BRCC3: variants seen among roughly 807,000 people sequenced by gnomAD.
The protein encoded by BRCC3 is lys-63-specific deubiquitinase BRCC36.
BRCC3 carries 15 observed loss-of-function variants against 28.0 expected under a neutral mutation model. The ratio of observed to expected loss-of-function variants is 0.54; its 90% CI spans 0.36 to 0.82. The LOEUF (loss-of-function observed/expected upper bound fraction) is 0.82. Among genes scored for constraint, BRCC3 ranks in the 40% least tolerant of loss-of-function variants. The probability of loss-of-function intolerance (pLI) is 0.01; values close to 1 mark genes in which losing one functional copy is unlikely to be tolerated. For missense variants in BRCC3, 109 were observed against 225.9 expected, an observed-to-expected ratio of 0.48 and a Z score of 3.32; for synonymous variants, 66 against 80.3, an observed-to-expected ratio of 0.82 and a Z score of 0.95.
At chrX:155,086,323 C>G (rs1433547684) in intron 5 of BRCC3, among the ~76,000 whole-genome samples, 2 of 111,496 alleles carry the variant, frequency 1.8e-5, no homozygotes, top group African/African-American at 6.5e-5. Flanking sequence ...TGCACCCAGT[C>G]TTGTAGAGAA....
chrX:155,073,516 G>A, intron 3 of BRCC3, 85 bp downstream of exon 3: 4 of 998,428 alleles, frequency 4.0e-6, no homozygotes, highest in Non-Finnish European at 5.5e-6. Context: ...AGAGTATGCG[G>A]TTTCTGGCTG....
At chrX:155,097,973 CA>C (rs2074221838) in intron 7 of BRCC3, among the ~76,000 whole-genome samples, 1 of 110,408 alleles carries the variant, frequency 9.1e-6, no homozygotes, top group African/African-American at 3.3e-5. Context: ...GACTCCGTCT[CA>C]AAAACAAAAA....
At chrX:155,085,803 G>A (rs1156745782) in intron 5 of BRCC3, among the ~76,000 whole-genome samples, 1 of 111,870 alleles carries the variant, frequency 8.9e-6, no homozygotes. Context: ...GCCTTGGGGC[G>A]GTTTACAGAG....
intron 7 of BRCC3, chrX:155,099,203 T>G: frequency 6.7e-5 from 47 of 702,344 alleles, no homozygotes; most frequent in Non-Finnish European, 7.6e-5. Context: ...TTTTTTTTTG[T>G]GGTAAAAGAA....
At chrX:155,108,801 C>G (rs2074300498) in intron 7 of BRCC3, among the ~76,000 whole-genome samples, 1 of 111,844 alleles carries the variant, frequency 8.9e-6, no homozygotes, top group African/African-American at 3.2e-5. Context: ...TATCTACTCT[C>G]TCACCCTGAC....
intron 7 of BRCC3, among the ~76,000 whole-genome samples, chrX:155,095,351 AGTACAACGG>A (rs1289228984): frequency 9.0e-6 from 1 of 111,297 alleles, no homozygotes; most frequent in Non-Finnish European, 1.9e-5. Context: ...CCCAGACTGG[AGTACAACGG>A]CAGGATCTAG....
At chrX:155,116,022 G>C (rs1557298682) in intron 7 of BRCC3, 35 bp from the exon 8 acceptor site, 1 of 1,189,668 alleles carries the variant, frequency 8.4e-7, no homozygotes, top group South Asian at 1.8e-5. Flanking sequence ...AACAACTCAG[G>C]GTTTAAAAAC....
chrX:155,088,596 G>T (rs2074151706), intron 5 of BRCC3, among the ~76,000 whole-genome samples: 1 of 110,846 alleles, frequency 9.0e-6, no homozygotes, highest in South Asian at 3.8e-4. Flanking sequence ...GAGGTGATCC[G>T]CCTGCCTCAG....
At chrX:155,075,256 C>G (rs1557293326) in intron 3 of BRCC3, among the ~76,000 whole-genome samples, 2 of 53,090 alleles carry the variant, frequency 3.8e-5, no homozygotes, top group Admixed American at 2.0e-4. Context: ...TCACCCTTGT[C>G]CCTTCAACAT....
chrX:155,105,804 T>A (rs1436212190), intron 7 of BRCC3, among the ~76,000 whole-genome samples: 1 of 112,090 alleles, frequency 8.9e-6, no homozygotes, highest in Non-Finnish European at 1.9e-5. Context: ...GATCAAGCTG[T>A]TCTCCTGTCT....
At chrX:155,099,533 G>A in intron 7 of BRCC3, 1 of 851,053 alleles carries the variant, frequency 1.2e-6, no homozygotes, top group African/African-American at 2.0e-5. Context: ...AAGGAGACTA[G>A]GAAATCTAGT....
intron 7 of BRCC3, among the ~76,000 whole-genome samples, chrX:155,112,189 T>C (rs2074326211): frequency 8.9e-6 from 1 of 111,972 alleles, no homozygotes; most frequent in Non-Finnish European, 1.9e-5. Flanking sequence ...GGCTTCTCTT[T>C]GGCATAGCAG....
At chrX:155,118,027 T>A (rs1415613012) in intron 9 of BRCC3, among the ~76,000 whole-genome samples, 1 of 111,446 alleles carries the variant, frequency 9.0e-6, no homozygotes, top group Non-Finnish European at 1.9e-5. Context: ...AGAAAAGAGG[T>A]TGGCAATTAT....
chrX:155,100,640 G>A, intron 7 of BRCC3, among the ~76,000 whole-genome samples: 1 of 112,088 alleles, frequency 8.9e-6, no homozygotes, highest in South Asian at 3.7e-4. Flanking sequence ...TGTATCAGGA[G>A]GCACATGTCA....
At chrX:155,099,458 C>G in intron 7 of BRCC3, 4 of 1,161,313 alleles carry the variant, frequency 3.4e-6, no homozygotes, top group Non-Finnish European at 4.6e-6. Flanking sequence ...CCCAGAAGTC[C>G]CAGAAAACAA....
intron 2 of BRCC3, 146 bp from the exon 3 acceptor site, chrX:155,073,231 C>A: frequency 6.4e-6 from 4 of 621,775 alleles, no homozygotes; most frequent in Non-Finnish European, 9.9e-6. Context: ...TAGAGTGCAG[C>A]TCTAGCCTCA....
At chrX:155,105,893 T>C (rs2074280963) in intron 7 of BRCC3, among the ~76,000 whole-genome samples, 1 of 111,408 alleles carries the variant, frequency 9.0e-6, no homozygotes, top group African/African-American at 3.3e-5. Context: ...GAGACAGGGT[T>C]TCACCATGTT....
chrX:155,095,603 G>C (rs1022788938), intron 7 of BRCC3, among the ~76,000 whole-genome samples: 1 of 111,672 alleles, frequency 9.0e-6, no homozygotes, highest in African/African-American at 3.3e-5. Flanking sequence ...GCCCAGCCAA[G>C]AAAGAAACAA....
intron 7 of BRCC3, among the ~76,000 whole-genome samples, chrX:155,102,906 C>T (rs1227472049): frequency 2.7e-5 from 3 of 111,768 alleles, no homozygotes; most frequent in African/African-American, 6.5e-5. Flanking sequence ...AACATTGGCA[C>T]TATTGACATT....
Sources: gnomAD v4.1 joint callset for allele counts (sites outside exome capture counted in the v4.1 genomes callset) on GRCh38, gnomAD v4.1.1 for gene constraint, MANE v1.5 for transcripts, NCBI Gene and HGNC (gene_info 2026-07-23, HGNC 2026-07-21) for gene names.